Variants in DIAPH3 observed in about 807,000 individuals in gnomAD.
DIAPH3 encodes the protein diaphanous related formin 3.
DIAPH3 carries 117 observed loss-of-function variants against 144.3 expected under a neutral mutation model. The observed-to-expected ratio is 0.81, with a 90% CI of 0.70 to 0.95. The LOEUF (loss-of-function observed/expected upper bound fraction) is 0.95. DIAPH3 is among the 40% of genes least tolerant of loss of function. The pLI is 0.00. For synonymous variants in DIAPH3, 519 were observed against 488.9 expected (o/e 1.06, Z -0.81); for missense variants, 1,421 against 1,412.7 (o/e 1.01, Z -0.09).
chr13:59,796,857 G>A (rs192366827), intron 25 of DIAPH3, among the ~76,000 whole-genome samples: 1 of 152,290 alleles, frequency 6.6e-6, no homozygotes, highest in East Asian at 1.9e-4. Context: ...GAGTGGAAGA[G>A]TAGGCAAAAC....
intron 20 of DIAPH3, among the ~76,000 whole-genome samples, chr13:59,885,744 A>T (rs2045403061): frequency 6.6e-6 from 1 of 152,102 alleles, no homozygotes; most frequent in African/African-American, 2.4e-5. Flanking sequence ...AGATGAAATC[A>T]TCCTGGATTT....
chr13:60,107,951 T>C (rs773355698), intron 3 of DIAPH3, among the ~76,000 whole-genome samples: 4 of 152,224 alleles, frequency 2.6e-5, no homozygotes, highest in Non-Finnish European at 5.9e-5. Context: ...AGAAAAGGTA[T>C]GAATGCATGA....
intron 22 of DIAPH3, among the ~76,000 whole-genome samples, chr13:59,843,422 G>A (rs1478699755): frequency 1.3e-5 from 2 of 152,158 alleles, no homozygotes; most frequent in East Asian, 3.9e-4. Flanking sequence ...GAGGGACTTA[G>A]TCCACTGGAT....
At chr13:59,693,171 G>A (rs991490837) in intron 27 of DIAPH3, among the ~76,000 whole-genome samples, 3 of 152,184 alleles carry the variant, frequency 2.0e-5, no homozygotes, top group East Asian at 1.9e-4. Context: ...GAAGGCCTCC[G>A]GTGGAAGGCG....
intron 27 of DIAPH3, among the ~76,000 whole-genome samples, chr13:59,748,846 T>G (rs1371907957): frequency 6.6e-6 from 1 of 152,190 alleles, no homozygotes; most frequent in African/African-American, 2.4e-5. Context: ...CATCTCAATC[T>G]CTGTTGACTG....
intron 4 of DIAPH3, among the ~76,000 whole-genome samples, chr13:60,069,882 T>C (rs910206592): frequency 9.2e-5 from 14 of 152,232 alleles, no homozygotes; most frequent in Admixed American, 9.2e-4. Flanking sequence ...ACTGTAGCCT[T>C]GTAGTATAGT....
chr13:59,845,233 G>C (rs889707375), intron 22 of DIAPH3, among the ~76,000 whole-genome samples: 1 of 151,762 alleles, frequency 6.6e-6, no homozygotes. Context: ...TAGTAGAGAC[G>C]GGGTTTCACC....
intron 27 of DIAPH3, among the ~76,000 whole-genome samples, chr13:59,726,327 C>G (rs1374871220): frequency 6.6e-6 from 1 of 152,128 alleles, no homozygotes; most frequent in Admixed American, 6.6e-5. Context: ...ACAAGGATCA[C>G]TGAATCAAAT....
intron 17 of DIAPH3, among the ~76,000 whole-genome samples, chr13:59,961,558 T>G (rs1278770533): frequency 7.9e-5 from 12 of 152,156 alleles, no homozygotes; most frequent in Admixed American, 7.9e-4. Context: ...CATTGTGGAA[T>G]GAGGGTGAAC....
chr13:59,739,726 C>T (rs1201773724), intron 27 of DIAPH3, among the ~76,000 whole-genome samples: 1 of 151,968 alleles, frequency 6.6e-6, no homozygotes, highest in Non-Finnish European at 1.5e-5. Context: ...CAATGTACAT[C>T]CTCTTTATCA....
At chr13:59,953,775 C>A (rs1353785076) in intron 17 of DIAPH3, among the ~76,000 whole-genome samples, 2 of 152,092 alleles carry the variant, frequency 1.3e-5, no homozygotes, top group African/African-American at 2.4e-5. Context: ...TCTTTTTAAT[C>A]TTTTCGTATG....
chr13:59,734,167 T>C (rs1202211352), intron 27 of DIAPH3, among the ~76,000 whole-genome samples: 1 of 152,208 alleles, frequency 6.6e-6, no homozygotes, highest in Non-Finnish European at 1.5e-5. Context: ...AAAAGGTAGA[T>C]ATTTGGTTCT....
chr13:59,916,260 G>A lies in DIAPH3; in HGVS notation c.2171-11C>T. On this transcript the variant is annotated splice_polypyrimidine_tract_variant and intron_variant, in intron 18 of 27. Transcript: ENST00000400324. ...AGCTCAGGAAGATTGCTAAGAAGGA[G>A]AAAGAGAGAAAGGTTTATAATGAAT... 6.3e-7 allele frequency: 1 copy of A among 1,598,924 alleles called. No homozygotes were observed. Among genetic ancestry groups the A allele is most frequent in the Non-Finnish European group, 8.6e-7 (1 of 1,166,626 alleles).
chr13:59,779,727 G>A (rs1566297944), intron 25 of DIAPH3, among the ~76,000 whole-genome samples: 1 of 152,028 alleles, frequency 6.6e-6, no homozygotes, highest in Non-Finnish European at 1.5e-5. Flanking sequence ...GGCCAGGCTG[G>A]TCTCGAACTC....
chr13:59,997,005 C>T (rs537376483), intron 9 of DIAPH3, among the ~76,000 whole-genome samples: 9 of 152,024 alleles, frequency 5.9e-5, no homozygotes, highest in Non-Finnish European at 1.3e-4. Flanking sequence ...TTTATTTGTA[C>T]AAATTTATTG....
chr13:59,829,855 G>C (rs1322860615), intron 24 of DIAPH3, among the ~76,000 whole-genome samples: 2 of 151,842 alleles, frequency 1.3e-5, no homozygotes, highest in Non-Finnish European at 2.9e-5. Context: ...ACTGCCAATG[G>C]GGGAGTAGGT....
chr13:60,039,834 T>C (rs1271700303), intron 5 of DIAPH3, among the ~76,000 whole-genome samples: 2 of 152,178 alleles, frequency 1.3e-5, no homozygotes, highest in Non-Finnish European at 2.9e-5. Context: ...AGGCATATCA[T>C]AACTAACAGG....
chr13:60,039,737 G>A lies in DIAPH3; in HGVS notation c.626+2953C>T, dbSNP rs187838651. On this transcript the variant is annotated intron_variant, in intron 5 of 27. Coordinates refer to ENST00000400324, the MANE Select transcript of DIAPH3 (RefSeq NM_001042517.2). ...CTCTAATTTACTTAATGATATTACA[G>A]GTCTAACAATGATCTCAAACTTAAG... 3.3e-5 allele frequency among the ~76,000 whole-genome samples: 5 copies of A among 152,096 alleles called. 1 individual carries two copies. Among genetic ancestry groups the A allele is most frequent in the Admixed American group, 2.0e-4 (3 of 15,274 alleles).
chr13:59,693,201 GACCAAA>G lies in DIAPH3; in HGVS notation c.3320-26361_3320-26356del, dbSNP rs148573638. On this transcript the variant is annotated intron_variant, in intron 27 of 27. Transcript: ENST00000400324. ...AAGGCGCTTATGACTGGAAAGTAGTGACCAAAGAGAAGAGTGACTGGACTGAGACGG... is the reference window on the plus strand; with the variant it reads ...AAGGCGCTTATGACTGGAAAGTAGTGGAGAAGAGTGACTGGACTGAGACGG... 9.0e-4 allele frequency among the ~76,000 whole-genome samples: 137 copies of G among 152,290 alleles called. 1 individual carries two copies. Among genetic ancestry groups the G allele is most frequent in the African/African-American group, 3.2e-3 (131 of 41,550 alleles).
Sources: allele counts gnomAD v4.1 joint callset (sites outside exome capture counted in the v4.1 genomes callset), GRCh38; gene constraint gnomAD v4.1.1; transcripts MANE v1.5; gene names NCBI Gene and HGNC (gene_info 2026-07-23, HGNC 2026-07-21).